The following MED31 variants were observed in gnomAD, a reference collection of about 807,000 sequenced individuals.
MED31 encodes mediator of RNA polymerase II transcription subunit 31.
A neutral mutation model predicts 22.0 loss-of-function variants in MED31; 11 were observed. That is an observed-to-expected ratio of 0.50 (90% CI 0.31 to 0.83). MED31 has a LOEUF of 0.83. Among genes scored for constraint, MED31 ranks in the 40% least tolerant of loss-of-function variants. The pLI, the probability that MED31 is intolerant of heterozygous loss-of-function variation, is 0.04. For missense variants in MED31, 122 were observed against 155.3 expected (o/e 0.79, Z 1.14); for synonymous variants, 60 against 55.1 (o/e 1.09, Z -0.40).
Position 6,650,022 on chromosome 17 carries a change from A to G in MED31, c.163T>C (p.Leu55=). 1.9e-6 allele frequency: 3 copies of G among 1,604,224 alleles called. No homozygotes were observed. Among genetic ancestry groups the G allele is most frequent in the Non-Finnish European group, 1.7e-6 (2 of 1,177,618 alleles). The change falls in exon 3 of 4, where the codon TTG becomes CTG. Residue 55 remains leucine, a synonymous_variant. Coordinates refer to ENST00000225728, the MANE Select transcript of MED31 (RefSeq NM_016060.3). The part of the protein sequence containing the change: ...DKAFVNYLKY[L]LYWKDPEYAK... Reference sequence around the variant, plus strand: ...TATTCTGGGTCTTTCCAGTAAAGCAAGTATTTAAGATAATTAACAAAAGCT... The same window carrying G: ...TATTCTGGGTCTTTCCAGTAAAGCAGGTATTTAAGATAATTAACAAAAGCT...
chr17:6,649,575 A>G (rs1411222827), intron 3 of MED31, among the ~76,000 whole-genome samples: 1 of 152,232 alleles, frequency 6.6e-6, no homozygotes, highest in East Asian at 1.9e-4. Context: ...GGGTGGTAAA[A>G]GACAAGGTCA....
In MED31 at chr17:6,651,551, CCACCA is replaced by C; in HGVS notation, c.-28_-24del. 1 of 1,614,036 alleles carries C rather than the reference CCACCA, an allele frequency of 6.2e-7. No individual in the cohort carries two copies. Among genetic ancestry groups the C allele is most frequent in the East Asian group, 2.2e-5 (1 of 44,868 alleles). ...CATAACAAACGAAGACACCAAAACGCCACCAGCCTGACAGAGCAAAAGCCCAGAGA... is the reference window on the plus strand; with the variant it reads ...CATAACAAACGAAGACACCAAAACGCGCCTGACAGAGCAAAAGCCCAGAGA... On this transcript the variant is annotated 5_prime_UTR_variant, in exon 1 of 4. Transcript: ENST00000225728.
rs1972727203 is a variant in MED31 at position 6,643,741 on chromosome 17, A to C, written c.*726T>G. ...GGTTCTTAGAATAAAATGAGAATTC[A>C]AGGAAGCACTTAACATAGCACCTGG... On this transcript the variant is annotated 3_prime_UTR_variant, in exon 4 of 4. Coordinates refer to ENST00000225728, the MANE Select transcript of MED31 (RefSeq NM_016060.3). 1 of 180,238 alleles carries C rather than the reference A, an allele frequency of 5.5e-6. No individual in the cohort carries two copies. The highest frequency in any genetic ancestry group is 6.2e-5 in the Admixed American group (1 of 16,108). The allele number at this position is 180,238 out of a possible 1,614,324, so 11.2% of individuals were successfully genotyped here.
At position 6,650,446 on chromosome 17, in the gene MED31, A is replaced by T; in HGVS notation, c.29-13T>A. Reference sequence around the variant, plus strand: ...TTTCCAGCATCATCTAGGAGACAAGACAGCAAAAATCATGGAAAACAAAGG... The same window carrying T: ...TTTCCAGCATCATCTAGGAGACAAGTCAGCAAAAATCATGGAAAACAAAGG... On this transcript the variant is annotated splice_polypyrimidine_tract_variant and intron_variant, in intron 1 of 3. Transcript: ENST00000225728. The T allele has an allele frequency of 1.9e-6, 3 of 1,613,530 alleles. No homozygotes were observed. The South Asian group carries it at 3.3e-5, about 18-fold the overall frequency.
At chr17:6,651,235 G>A (rs769702393) in intron 1 of MED31, 23 of 422,800 alleles carry the variant, frequency 5.4e-5, no homozygotes, top group Non-Finnish European at 9.3e-5. Flanking sequence ...GGAGGACACG[G>A]TTTAACACAC....
chr17:6,646,763 G>C (rs998794185), intron 3 of MED31, among the ~76,000 whole-genome samples: 12 of 152,328 alleles, frequency 7.9e-5, no homozygotes, highest in Admixed American at 3.3e-4. Flanking sequence ...CGTGGGAAAG[G>C]AAAGACCTTA....
chr17:6,651,292 G>C, intron 1 of MED31: 1 of 631,644 alleles, frequency 1.6e-6, no homozygotes, highest in Non-Finnish European at 2.6e-6. Flanking sequence ...TGGTGGGGTG[G>C]TGTCTGAATA....
In MED31 at chr17:6,643,984, C is replaced by A. The variant is rs1487804206; in HGVS notation, c.*483G>T. ...TTCCTGTCCTGCAGAATTCAAGAAC[C>A]TTTATGCAGTTCCTGTCCTATGATT... is the stretch of plus-strand genomic sequence containing the variant. On this transcript the variant is annotated 3_prime_UTR_variant, in exon 4 of 4. Transcript: ENST00000225728. 9 of 397,900 alleles carry A rather than the reference C, an allele frequency of 2.3e-5. No homozygotes were observed. The highest frequency in any genetic ancestry group is 4.0e-5 in the Non-Finnish European group (9 of 226,082). The allele number at this position is 397,900 out of a possible 1,614,324, so 24.6% of individuals were successfully genotyped here. A position where few individuals can be genotyped will look rare whatever the true frequency, so the allele number is the denominator to read the frequency against.
chr17:6,649,837 G>A (rs1362555027), intron 3 of MED31, 145 bp downstream of exon 3: 1 of 796,528 alleles, frequency 1.3e-6, no homozygotes, highest in African/African-American at 1.8e-5. Flanking sequence ...AGTGTTACAA[G>A]TTAGAGATGA....
At chr17:6,646,269 C>G (rs7211519) in intron 3 of MED31, among the ~76,000 whole-genome samples, 107,777 of 152,194 alleles carry the variant, frequency 0.71, 39,416 homozygotes, top group African/African-American at 0.91. Context: ...CGTGGGTGAA[C>G]AAAATACAGG....
At chr17:6,649,094 T>C (rs1048132029) in intron 3 of MED31, among the ~76,000 whole-genome samples, 6 of 150,924 alleles carry the variant, frequency 4.0e-5, no homozygotes, top group African/African-American at 1.5e-4. Flanking sequence ...GAAAAGTGAC[T>C]TTGAGAGAAG....
Position 6,650,448 on chromosome 17 carries a change from A to G in MED31, c.29-15T>C, listed in dbSNP as rs1338213976. 6.2e-7 allele frequency: 1 copy of G among 1,613,130 alleles called. No individual in the cohort carries two copies. Among genetic ancestry groups the G allele is most frequent in the African/African-American group, 1.3e-5 (1 of 75,024 alleles). ...TCCAGCATCATCTAGGAGACAAGAC[A>G]GCAAAAATCATGGAAAACAAAGGTC... On this transcript the variant is annotated splice_polypyrimidine_tract_variant and intron_variant, in intron 1 of 3. Coordinates refer to ENST00000225728, the MANE Select transcript of MED31 (RefSeq NM_016060.3).
intron 3 of MED31, among the ~76,000 whole-genome samples, chr17:6,648,417 G>A (rs997460428): frequency 1.3e-5 from 2 of 152,190 alleles, no homozygotes; most frequent in African/African-American, 4.8e-5. Context: ...GGTAGAAAGT[G>A]TCTCTTCCAC....
At position 6,651,270 on chromosome 17, in the gene MED31, A is replaced by C. The variant is rs907047105; in HGVS notation, c.28+231T>G. 8 of 571,778 alleles carry C rather than the reference A, an allele frequency of 1.4e-5. No homozygotes were observed. The Admixed American group carries it at 2.4e-4, about 17-fold the overall frequency. 35.4% of individuals were successfully genotyped at this position (571,778 alleles called of 1,614,324 possible). A position where few individuals can be genotyped will look rare whatever the true frequency, so the allele number is the denominator to read the frequency against. Reference sequence around the variant, plus strand: ...CAAGTCCTCTCCCTTAGTCTCACCCACGCCAGGGAGCTGGTGGGGTGGTGT... The same window carrying C: ...CAAGTCCTCTCCCTTAGTCTCACCCCCGCCAGGGAGCTGGTGGGGTGGTGT... On this transcript the variant is annotated intron_variant, in intron 1 of 3. Transcript: ENST00000225728.
In MED31 at chr17:6,644,112, A is replaced by G. The variant is rs571526742; in HGVS notation, c.*355T>C. 4.8e-6 allele frequency: 2 copies of G among 415,886 alleles called. No homozygotes were observed. The highest frequency in any genetic ancestry group is 3.5e-5 in the East Asian group (1 of 28,762). 25.8% of individuals were successfully genotyped at this position (415,886 alleles called of 1,614,324 possible). ...TTCCAGGAGATGGTCTTGCCCTACT[A>G]TATGTCAGGAACAGCTAGCCTTAGA... On this transcript the variant is annotated 3_prime_UTR_variant, in exon 4 of 4. Transcript: ENST00000225728.
At chr17:6,647,779 GC>G (rs1330492823) in intron 3 of MED31, among the ~76,000 whole-genome samples, 1 of 152,212 alleles carries the variant, frequency 6.6e-6, no homozygotes, top group African/African-American at 2.4e-5. Flanking sequence ...CAGCCAGGTG[GC>G]CTTTAACAAG....
chr17:6,645,737 A>C (rs1053376), intron 3 of MED31, among the ~76,000 whole-genome samples: 105,626 of 152,074 alleles, frequency 0.69, 37,559 homozygotes, highest in African/African-American at 0.87. Context: ...AGGGAATATA[A>C]TTCCTTACAA....
intron 3 of MED31, 56 bp from the exon 4 acceptor site, chr17:6,644,715 G>A: frequency 6.8e-7 from 1 of 1,470,906 alleles, no homozygotes. Flanking sequence ...TAATGCCAAG[G>A]TATAATTCAG....
intron 3 of MED31, among the ~76,000 whole-genome samples, chr17:6,647,430 C>T (rs1488660903): frequency 2.0e-5 from 3 of 152,230 alleles, no homozygotes; most frequent in Non-Finnish European, 2.9e-5. Context: ...AAATAGGATA[C>T]TACAGCAATG....
Sources: allele counts gnomAD v4.1 joint callset (sites outside exome capture counted in the v4.1 genomes callset), GRCh38; gene constraint gnomAD v4.1.1; transcripts MANE v1.5; gene names NCBI Gene and HGNC (gene_info 2026-07-23, HGNC 2026-07-21).